GLI3: variants seen among roughly 807,000 people sequenced by gnomAD.
GLI3 encodes transcription activator GLI3.
In GLI3, 20 loss-of-function variants were observed where a neutral mutation model predicts 100.8. The ratio of observed to expected loss-of-function variants is 0.20; its 90% confidence interval spans 0.14 to 0.29. GLI3 has a LOEUF of 0.29. Ranked by LOEUF, GLI3 falls within the 10% of genes least tolerant of loss-of-function variation. The pLI is 1.00. For synonymous variants in GLI3, 938 were observed against 860.5 expected (o/e 1.09, Z -1.58); for missense variants, 2,040 against 2,128.5 (o/e 0.96, Z 0.82).
At chr7:42,075,701 G>A (rs1252328837) in intron 4 of GLI3, among the ~76,000 whole-genome samples, 1 of 152,084 alleles carries the variant, frequency 6.6e-6, no homozygotes, top group African/African-American at 2.4e-5. Flanking sequence ...CTTACCTCCA[G>A]GCAAATCTGC....
At chr7:42,084,947 T>C (rs939317257) in intron 3 of GLI3, among the ~76,000 whole-genome samples, 1 of 140,494 alleles carries the variant, frequency 7.1e-6, no homozygotes, top group Middle Eastern at 3.6e-3. Flanking sequence ...AGTCTCACTC[T>C]ATTGCCCAGG....
intron 3 of GLI3, among the ~76,000 whole-genome samples, chr7:42,092,986 G>A (rs1297440653): frequency 2.0e-5 from 3 of 151,470 alleles, no homozygotes; most frequent in Non-Finnish European, 4.4e-5. Context: ...GCTAATTTTT[G>A]CATTTTTACC....
At chr7:42,041,415 G>T (rs552539399) in intron 6 of GLI3, among the ~76,000 whole-genome samples, 2 of 152,270 alleles carry the variant, frequency 1.3e-5, no homozygotes, top group South Asian at 4.1e-4. Context: ...GTGGCCCACA[G>T]GTCCATTCTG....
At chr7:42,139,770 G>A (rs1786521123) in intron 3 of GLI3, among the ~76,000 whole-genome samples, 1 of 152,196 alleles carries the variant, frequency 6.6e-6, no homozygotes, top group African/African-American at 2.4e-5. Context: ...GGGACGCCTG[G>A]GAGGGGAGCC....
chr7:42,018,740 G>A (rs1303350823), intron 10 of GLI3, among the ~76,000 whole-genome samples: 2 of 152,100 alleles, frequency 1.3e-5, no homozygotes, highest in South Asian at 2.1e-4. Context: ...ATCAAAATTC[G>A]CAGCATATGA....
intron 3 of GLI3, among the ~76,000 whole-genome samples, chr7:42,120,318 G>GTTA (rs1295000510): frequency 6.6e-6 from 1 of 152,044 alleles, no homozygotes; most frequent in Non-Finnish European, 1.5e-5. Context: ...GGGAGTGAAG[G>GTTA]TTATTTCCTT....
intron 2 of GLI3, among the ~76,000 whole-genome samples, chr7:42,215,915 C>T (rs1243152930): frequency 6.6e-6 from 1 of 152,020 alleles, no homozygotes; most frequent in African/African-American, 2.4e-5. Flanking sequence ...CAGACTAAAG[C>T]CGAACCATTC....
At chr7:42,190,916 T>C (rs1787814688) in intron 2 of GLI3, among the ~76,000 whole-genome samples, 1 of 152,038 alleles carries the variant, frequency 6.6e-6, no homozygotes, top group Non-Finnish European at 1.5e-5. Context: ...AAAAATTATA[T>C]ATCATAAAAG....
rs923353326 is a variant in GLI3, at chr7:42,042,769, C to A, written c.827-2530G>T. The stretch of plus-strand genomic sequence containing the variant: ...TGGCTTGCTCATAGCCTGGCTGGAA[C>A]CTTTCCTCTCTGTGTTTTTCCCTCC... On this transcript the variant is annotated intron_variant, in intron 6 of 14. Transcript: ENST00000395925. 4.5e-4 allele frequency among the ~76,000 whole-genome samples: 68 copies of A among 152,134 alleles called. 1 individual carries two copies. Among genetic ancestry groups the A allele is most frequent in the Admixed American group, 3.9e-3 (60 of 15,274 alleles).
chr7:42,020,414 G>A (rs1788903003), intron 10 of GLI3, among the ~76,000 whole-genome samples: 1 of 152,124 alleles, frequency 6.6e-6, no homozygotes. Flanking sequence ...TCCCCGGAAG[G>A]ATATCAATTA....
intron 1 of GLI3, among the ~76,000 whole-genome samples, chr7:42,235,404 G>A (rs187609562): frequency 5.4e-4 from 82 of 152,262 alleles, no homozygotes; most frequent in African/African-American, 1.9e-3. Flanking sequence ...ACTGAAAAGA[G>A]CTCATTTCAG....
chr7:42,226,170 G>GAC (rs1447669900), intron 1 of GLI3, among the ~76,000 whole-genome samples: 2 of 152,050 alleles, frequency 1.3e-5, no homozygotes, highest in African/African-American at 2.4e-5. Context: ...TGTTCCCTTC[G>GAC]ACACACACAT....
intron 3 of GLI3, among the ~76,000 whole-genome samples, chr7:42,138,061 G>T (rs1786472400): frequency 6.6e-6 from 1 of 152,136 alleles, no homozygotes; most frequent in South Asian, 2.1e-4. Context: ...CTTCTGGCTG[G>T]TATGTCAGCT....
At chr7:42,027,219 A>C (rs902982974) in intron 7 of GLI3, among the ~76,000 whole-genome samples, 49 of 152,222 alleles carry the variant, frequency 3.2e-4, no homozygotes, top group African/African-American at 1.2e-3. Flanking sequence ...GGCAATGCCA[A>C]ATCATTCTTT....
chr7:42,069,821 T>C lies in GLI3; in HGVS notation c.473+6931A>G, dbSNP rs527724408. On this transcript the variant is annotated intron_variant, in intron 4 of 14. Coordinates refer to ENST00000395925, the MANE Select transcript of GLI3 (RefSeq NM_000168.6). ...ATACTAAATAAGGAATGTCACTGTG[T>C]TCCAATAAAACTTTATTGACAAAAA... Among the ~76,000 whole-genome samples, 6 of 152,344 alleles carry C rather than the reference T, an allele frequency of 3.9e-5. No homozygotes were observed. In the East Asian group the frequency reaches 1.2e-3, roughly 29 times the overall value.
intron 1 of GLI3, among the ~76,000 whole-genome samples, chr7:42,262,209 T>TTCCTTCCTTACTTCC (rs1186292634): frequency 2.1e-4 from 23 of 110,900 alleles, no homozygotes; most frequent in South Asian, 8.9e-4. Context: ...TCCTTCCTTC[T>TTCCTTCCTTACTTCC]TTCCTTCCTT....
intron 3 of GLI3, among the ~76,000 whole-genome samples, chr7:42,146,092 AC>A (rs1326616146): frequency 1.3e-5 from 2 of 152,224 alleles, no homozygotes; most frequent in African/African-American, 4.8e-5. Flanking sequence ...TTTAGGGAGT[AC>A]ATTGGGATGG....
chr7:42,205,918 A>G (rs373938865), intron 2 of GLI3, among the ~76,000 whole-genome samples: 1 of 152,200 alleles, frequency 6.6e-6, no homozygotes, highest in Non-Finnish European at 1.5e-5. Context: ...ATTGCTTCCC[A>G]CAGCCAATAT....
At chr7:42,043,626 T>C (rs527251311) in intron 6 of GLI3, among the ~76,000 whole-genome samples, 51 of 152,370 alleles carry the variant, frequency 3.3e-4, no homozygotes, top group Non-Finnish European at 6.8e-4. Flanking sequence ...ATGTGATGAA[T>C]GATAGGACAT....
Sources: allele counts gnomAD v4.1 joint callset (sites outside exome capture counted in the v4.1 genomes callset), GRCh38; gene constraint gnomAD v4.1.1; transcripts MANE v1.5; gene names NCBI Gene and HGNC (gene_info 2026-07-23, HGNC 2026-07-21).